The following DAB1 variants were observed in gnomAD, a reference collection of about 807,000 sequenced individuals.
DAB1 encodes disabled homolog 1.
A neutral mutation model predicts 64.6 loss-of-function variants in DAB1; 15 were observed. The ratio of observed to expected loss-of-function variants is 0.23; its 90% CI spans 0.16 to 0.36. DAB1 has a LOEUF of 0.36. DAB1 is among the 10% of genes least tolerant of loss of function. The pLI is 1.00. For synonymous variants in DAB1, 235 were observed against 251.9 expected, an observed-to-expected ratio of 0.93 and a Z score of 0.64; for missense variants, 596 against 706.7, an observed-to-expected ratio of 0.84 and a Z score of 1.78.
At chr1:57,394,370 C>A (rs78715864) in intron 1 of DAB1, among the ~76,000 whole-genome samples, 1,836 of 152,326 alleles carry the variant, frequency 0.012, 47 homozygotes, top group African/African-American at 0.042. Context: ...ACAAAAACAG[C>A]TTTTGTGGTT....
At chr1:58,506,741 C>G (rs1049765774) in intron 2 of DAB1, among the ~76,000 whole-genome samples, 1 of 152,098 alleles carries the variant, frequency 6.6e-6, no homozygotes, top group African/African-American at 2.4e-5. Flanking sequence ...TTCTATGCCA[C>G]TAGAACAATC....
chr1:57,533,460 G>A (rs1397330094), intron 7 of DAB1, among the ~76,000 whole-genome samples: 1 of 150,780 alleles, frequency 6.6e-6, no homozygotes, highest in East Asian at 1.9e-4. Context: ...CAGTAAAATA[G>A]TGATAAAACA....
At chr1:57,195,501 T>C (rs1450712466) in intron 2 of DAB1, among the ~76,000 whole-genome samples, 1 of 152,218 alleles carries the variant, frequency 6.6e-6, no homozygotes. Flanking sequence ...CATTTTACAG[T>C]GAGGAAAGCT....
intron 9 of DAB1, among the ~76,000 whole-genome samples, chr1:57,047,611 A>G (rs997133512): frequency 1.3e-5 from 2 of 152,162 alleles, no homozygotes; most frequent in African/African-American, 4.8e-5. Flanking sequence ...GGAGTCCGCT[A>G]GCACCTTGAT....
At chr1:58,461,077 C>T (rs1341292183) in intron 3 of DAB1, among the ~76,000 whole-genome samples, 1 of 152,120 alleles carries the variant, frequency 6.6e-6, no homozygotes, top group African/African-American at 2.4e-5. Flanking sequence ...ACTGGTTATC[C>T]CAGTGGGCTG....
chr1:58,490,895 T>C (rs1645673253), intron 3 of DAB1, among the ~76,000 whole-genome samples: 1 of 134,916 alleles, frequency 7.4e-6, no homozygotes, highest in African/African-American at 2.7e-5. Context: ...AAGCTCTGCC[T>C]CCTGGGTTCA....
At chr1:57,289,911 A>C (rs1672632823) in intron 2 of DAB1, among the ~76,000 whole-genome samples, 1 of 152,178 alleles carries the variant, frequency 6.6e-6, no homozygotes, top group Non-Finnish European at 1.5e-5. Flanking sequence ...AAGCTTACTG[A>C]AAAACATGGT....
rs560530892 is a variant in DAB1 at position 57,465,867 on chromosome 1, C to T, written n.626-174701G>A. On this transcript the variant is annotated intron_variant and non_coding_transcript_variant, in intron 7 of 20. Coordinates refer to the DAB1 transcript ENST00000485760. ...TGTAAAGACCAGGTTGAAACAAGCA[C>T]ACATCATACTTTGTATCTTCTACAG... Among the ~76,000 whole-genome samples, 9 of 152,282 alleles carry T rather than the reference C, an allele frequency of 5.9e-5. No homozygotes were observed. In the South Asian group the frequency reaches 1.9e-3, roughly 32 times the overall value.
intron 2 of DAB1, among the ~76,000 whole-genome samples, chr1:57,219,107 T>C (rs1666665050): frequency 6.6e-6 from 1 of 152,196 alleles, no homozygotes; most frequent in Non-Finnish European, 1.5e-5. Flanking sequence ...AATACCTTAG[T>C]AGTTATACAG....
At position 57,226,549 on chromosome 1, in the gene DAB1, A is replaced by G. The variant is rs142585004; in HGVS notation, c.67+64415T>C. Among the ~76,000 whole-genome samples the G allele has an allele frequency of 1.7e-3, 260 of 151,972 alleles. 1 individual carries two copies. The highest frequency in any genetic ancestry group is 6.2e-3 in the African/African-American group (255 of 41,424). ...CACCACTTCCTCTTTGGTCTGAGCC[A>G]TTTGCATCTTCAGTATTTTCTATTT... On this transcript the variant is annotated intron_variant, in intron 2 of 14. Coordinates refer to ENST00000371236, the MANE Select transcript of DAB1 (RefSeq NM_001365792.1).
chr1:57,831,921 T>G (rs1652606857), intron 1 of DAB1, among the ~76,000 whole-genome samples: 2 of 152,066 alleles, frequency 1.3e-5, no homozygotes, highest in Non-Finnish European at 2.9e-5. Flanking sequence ...CTTTGTTCTG[T>G]GGAAACAAAG....
intron 1 of DAB1, among the ~76,000 whole-genome samples, chr1:57,350,363 T>C (rs1451168069): frequency 1.3e-5 from 2 of 152,204 alleles, no homozygotes; most frequent in African/African-American, 4.8e-5. Flanking sequence ...ACTACTCCTT[T>C]ACTTACCAAT....
chr1:58,433,207 C>T (rs1644898849), intron 3 of DAB1, among the ~76,000 whole-genome samples: 2 of 152,116 alleles, frequency 1.3e-5, no homozygotes, highest in Admixed American at 1.3e-4. Flanking sequence ...TTTACACAGG[C>T]AGTCTTAACT....
intron 2 of DAB1, among the ~76,000 whole-genome samples, chr1:57,226,733 G>A (rs921605685): frequency 6.8e-6 from 1 of 148,052 alleles, no homozygotes; most frequent in Non-Finnish European, 1.5e-5. Context: ...GCTGAGAAAG[G>A]TTAAGTAAAC....
chr1:57,353,821 C>T (rs1333042274), intron 1 of DAB1, among the ~76,000 whole-genome samples: 1 of 152,122 alleles, frequency 6.6e-6, no homozygotes, highest in Non-Finnish European at 1.5e-5. Flanking sequence ...AGCCCCAGGG[C>T]CTTCAGCCAA....
chr1:57,866,169 G>A (rs1476199922), intron 1 of DAB1: 1 of 152,118 alleles, frequency 6.6e-6, no homozygotes, highest in Admixed American at 6.6e-5. Flanking sequence ...TGATGATGAA[G>A]ACTAAATGCA....
chr1:58,532,006 C>T (rs1447789558), intron 1 of DAB1, among the ~76,000 whole-genome samples: 1 of 151,550 alleles, frequency 6.6e-6, no homozygotes, highest in Non-Finnish European at 1.5e-5. Context: ...TGTGCCCAGC[C>T]CAATTATGAA....
rs1483021631 is a variant in DAB1, at chr1:57,440,130, G to T, written n.626-148964C>A. On this transcript the variant is annotated intron_variant and non_coding_transcript_variant, in intron 7 of 20. Transcript: ENST00000485760. ...CATTTTTTGAAATTCTTCTCAACCTGCAAAACCTGGCTGAATGAAACCTTC... is the reference window on the plus strand; with the variant it reads ...CATTTTTTGAAATTCTTCTCAACCTTCAAAACCTGGCTGAATGAAACCTTC... Among the ~76,000 whole-genome samples the T allele has an allele frequency of 2.6e-5, 4 of 152,062 alleles. No homozygotes were observed. The East Asian group carries it at 7.7e-4, about 29-fold the overall frequency.
chr1:58,342,237 TGATAA>T (rs1245810729), intron 4 of DAB1, among the ~76,000 whole-genome samples: 1 of 152,086 alleles, frequency 6.6e-6, no homozygotes, highest in African/African-American at 2.4e-5. Flanking sequence ...AAAGCCATGA[TGATAA>T]GATATTTGTA....
Sources: allele counts gnomAD v4.1 joint callset (sites outside exome capture counted in the v4.1 genomes callset), GRCh38; gene constraint gnomAD v4.1.1; transcripts MANE v1.5; gene names NCBI Gene and HGNC (gene_info 2026-07-23, HGNC 2026-07-21).